The following SPATS2L variants were observed in gnomAD, a reference collection of about 807,000 sequenced individuals.
SPATS2L encodes the protein spermatogenesis associated serine rich 2 like, also known as SPATS2-like protein.
SPATS2L carries 30 observed loss-of-function variants against 59.6 expected under a neutral mutation model. The observed-to-expected ratio is 0.50, with a 90% CI of 0.38 to 0.68. The LOEUF (loss-of-function observed/expected upper bound fraction) is 0.68. Ranked by LOEUF, SPATS2L falls within the 30% of genes least tolerant of loss-of-function variation. The pLI is 0.00. For missense variants in SPATS2L, 615 were observed against 700.0 expected (o/e 0.88, Z 1.37); for synonymous variants, 252 against 263.5 (o/e 0.96, Z 0.42).
At chr2:200,371,225 G>A (rs186551264) in intron 2 of SPATS2L, among the ~76,000 whole-genome samples, 3 of 152,226 alleles carry the variant, frequency 2.0e-5, no homozygotes, top group Admixed American at 1.3e-4. Flanking sequence ...AAGACAAAAT[G>A]TCTTATCCAC....
intron 3 of SPATS2L, among the ~76,000 whole-genome samples, chr2:200,396,350 A>G (rs1332284315): frequency 6.6e-6 from 1 of 152,026 alleles, no homozygotes; most frequent in African/African-American, 2.4e-5. Flanking sequence ...ATAAAAAACA[A>G]GGAATAGTAA....
chr2:200,351,664 A>T (rs569384614), intron 2 of SPATS2L, among the ~76,000 whole-genome samples: 39 of 152,224 alleles, frequency 2.6e-4, no homozygotes, highest in African/African-American at 8.2e-4. Flanking sequence ...GGGCATAAAA[A>T]TTTTTTTATT....
chr2:200,479,763 A>C lies in SPATS2L; in HGVS notation c.*1732A>C, dbSNP rs2087734395. The stretch of plus-strand genomic sequence containing the variant: ...CCCAGGTTCACTGGTTCTCTTCCAC[A>C]GAGCGGCCCTGAGCAGCTGAGCCTG... On this transcript the variant is annotated 3_prime_UTR_variant, in exon 13 of 13. Coordinates refer to ENST00000409140, the MANE Select transcript of SPATS2L (RefSeq NM_001100423.2). The C allele has an allele frequency of 2.5e-6, 1 of 398,570 alleles. No homozygotes were observed. Among genetic ancestry groups the C allele is most frequent in the Admixed American group, 4.4e-5 (1 of 22,724 alleles). The allele number at this position is 398,570 out of a possible 1,614,324, so 24.7% of individuals were successfully genotyped here.
Position 200,416,397 on chromosome 2 carries a change from T to C in SPATS2L, c.167T>C (p.Leu56Pro). 1 of 1,497,174 alleles carries C rather than the reference T, an allele frequency of 6.7e-7. No individual in the cohort carries two copies. Among genetic ancestry groups the C allele is most frequent in the Non-Finnish European group, 9.0e-7 (1 of 1,109,282 alleles). The allele number at this position is 1,497,174 out of a possible 1,614,324, so 92.7% of individuals were successfully genotyped here. ...TATCTAGGCAGTGCAATTCAAGTTC[T>C]AAAAGAATGGAATATGACAGGAAAA... is the stretch of plus-strand genomic sequence containing the variant. ...AFVDGSAIQV[L>P]KEWNMTGKKK... The change falls in exon 5 of 13, where the codon CTA (leucine) becomes CCA (proline). Residue 56 changes from leucine (L) to proline (P), a missense_variant. Leu to Pro is a moderately conservative substitution (Grantham distance 98, BLOSUM62 -3). Around this residue, in one of 3 missense-constraint regions of SPATS2L, gnomAD observed 227 missense variants for 257.4 expected, o/e 0.88. Transcript: ENST00000409140.
At chr2:200,466,779 A>G (rs987383764) in intron 9 of SPATS2L, among the ~76,000 whole-genome samples, 2 of 152,206 alleles carry the variant, frequency 1.3e-5, no homozygotes, top group African/African-American at 4.8e-5. Context: ...AAAAACTAAT[A>G]AAGTTAGATT....
chr2:200,446,074 C>T (rs892595624), intron 8 of SPATS2L, among the ~76,000 whole-genome samples: 3 of 152,146 alleles, frequency 2.0e-5, no homozygotes, highest in Admixed American at 1.3e-4. Flanking sequence ...CACAGTGGCT[C>T]ACGCCTGTAA....
intron 1 of SPATS2L, among the ~76,000 whole-genome samples, chr2:200,314,505 C>T (rs1559031971): frequency 8.1e-6 from 1 of 123,526 alleles, no homozygotes; most frequent in African/African-American, 2.6e-5. Flanking sequence ...TTACAACTCT[C>T]CACTGCTTAA....
intron 3 of SPATS2L, among the ~76,000 whole-genome samples, chr2:200,402,513 A>T (rs979053361): frequency 1.3e-5 from 2 of 152,116 alleles, no homozygotes; most frequent in African/African-American, 4.8e-5. Flanking sequence ...CTATAGTGCT[A>T]CTAACCCATC....
At chr2:200,426,166 C>T (rs2083569345) in intron 6 of SPATS2L, among the ~76,000 whole-genome samples, 1 of 129,714 alleles carries the variant, frequency 7.7e-6, no homozygotes, top group South Asian at 2.5e-4. Context: ...TCTCAGCTCA[C>T]TGCAACCTCC....
At chr2:200,305,924 T>C (rs778105950), upstream of SPATS2L, 4 of 344,478 alleles carry the variant, frequency 1.2e-5, no homozygotes, top group Non-Finnish European at 1.6e-5. Context: ...TTATCTAAAG[T>C]GCTTCCATCA....
intron 1 of SPATS2L, among the ~76,000 whole-genome samples, chr2:200,327,528 T>C (rs1027683475): frequency 6.6e-6 from 1 of 152,252 alleles, no homozygotes; most frequent in African/African-American, 2.4e-5. Context: ...ATGGATATTT[T>C]GGGGAATGTC....
intron 3 of SPATS2L, among the ~76,000 whole-genome samples, chr2:200,391,687 A>G (rs922057655): frequency 1.1e-4 from 17 of 152,248 alleles, no homozygotes; most frequent in African/African-American, 4.1e-4. Context: ...TTCATGTTAA[A>G]TAACCTTTCT....
chr2:200,455,882 A>T (rs1178340800), intron 8 of SPATS2L, among the ~76,000 whole-genome samples: 3 of 152,114 alleles, frequency 2.0e-5, no homozygotes, highest in African/African-American at 7.2e-5. Context: ...ATTACTCCCA[A>T]AACTGGATGT....
intron 2 of SPATS2L, among the ~76,000 whole-genome samples, chr2:200,360,208 G>T (rs1337610052): frequency 6.6e-6 from 1 of 152,180 alleles, no homozygotes; most frequent in Non-Finnish European, 1.5e-5. Flanking sequence ...CAGCTAACTG[G>T]TCCACCCAAG....
At chr2:200,309,297 G>A (rs1030816188) in intron 1 of SPATS2L, among the ~76,000 whole-genome samples, 4 of 152,174 alleles carry the variant, frequency 2.6e-5, no homozygotes, top group African/African-American at 9.7e-5. Context: ...GGTGAGCCAG[G>A]ACAAGAACTT....
chr2:200,380,102 C>G (rs2081751534), intron 2 of SPATS2L, among the ~76,000 whole-genome samples: 1 of 152,096 alleles, frequency 6.6e-6, no homozygotes, highest in Non-Finnish European at 1.5e-5. Context: ...ATAGAAAAAC[C>G]ATGCCGTAGG....
intron 2 of SPATS2L, among the ~76,000 whole-genome samples, chr2:200,352,673 G>A (rs1446241578): frequency 6.6e-6 from 1 of 152,070 alleles, no homozygotes; most frequent in Admixed American, 6.5e-5. Flanking sequence ...GAAAAATCAG[G>A]TAGACAGTAA....
intron 3 of SPATS2L, among the ~76,000 whole-genome samples, chr2:200,396,029 A>ATAAAT (rs1425891230): frequency 5.9e-5 from 2 of 33,924 alleles, no homozygotes; most frequent in Admixed American, 4.0e-4. Context: ...AAAAAAAAAA[A>ATAAAT]AAAAATATAT....
chr2:200,422,390 A>G (rs1479042825), intron 6 of SPATS2L, among the ~76,000 whole-genome samples: 1 of 152,234 alleles, frequency 6.6e-6, no homozygotes, highest in East Asian at 1.9e-4. Context: ...TACAAAAATT[A>G]GCTGGGCCTG....
Sources: gnomAD v4.1 joint callset for allele counts (sites outside exome capture counted in the v4.1 genomes callset) on GRCh38, gnomAD v4.1.1 for gene constraint, gnomAD v4.1.1 regional missense constraint, MANE v1.5 for transcripts, NCBI Gene and HGNC (gene_info 2026-07-23, HGNC 2026-07-21) for gene names.